The following RCL1 variants were observed in gnomAD, a reference collection of about 807,000 sequenced individuals.
The protein encoded by RCL1 is RNA terminal phosphate cyclase like 1, also known as RNA 3'-terminal phosphate cyclase-like protein.
Under a neutral mutation model 42.4 loss-of-function variants are expected in RCL1, and 24 were observed. That is an observed-to-expected ratio of 0.57 (90% CI 0.41 to 0.80). The LOEUF is 0.80. Among genes scored for constraint, RCL1 ranks in the 30% least tolerant of loss-of-function variants. The pLI is 0.00. For synonymous variants in RCL1, 228 were observed against 177.3 expected, an observed-to-expected ratio of 1.29 and a Z score of -2.27; for missense variants, 578 against 467.9, an observed-to-expected ratio of 1.24 and a Z score of -2.17.
chr9:4,851,575 G>T (rs538465849), intron 8 of RCL1, among the ~76,000 whole-genome samples: 1 of 152,178 alleles, frequency 6.6e-6, no homozygotes, highest in African/African-American at 2.4e-5. Context: ...TGAAATCCAC[G>T]GTGAGGACCA....
intron 1 of RCL1, 118 bp downstream of exon 1, chr9:4,793,345 G>A (rs1282463499): frequency 1.6e-6 from 2 of 1,225,208 alleles, no homozygotes; most frequent in Non-Finnish European, 2.2e-6. Context: ...AGCGCGTCGG[G>A]GAGGGCAGGT....
At chr9:4,793,326 C>T in intron 1 of RCL1, 99 bp downstream of exon 1, 1 of 1,302,690 alleles carries the variant, frequency 7.7e-7, no homozygotes, top group Non-Finnish European at 1.0e-6. Context: ...GGCGGCTCGG[C>T]GTCCGGCGAG....
intron 7 of RCL1, among the ~76,000 whole-genome samples, chr9:4,846,357 T>A (rs1327062269): frequency 6.6e-6 from 1 of 152,236 alleles, no homozygotes; most frequent in Non-Finnish European, 1.5e-5. Flanking sequence ...AAGAAGGAGA[T>A]GAAATCTTCC....
intron 1 of RCL1, among the ~76,000 whole-genome samples, chr9:4,818,742 C>A (rs1025442618): frequency 1.3e-5 from 2 of 151,894 alleles, no homozygotes; most frequent in South Asian, 2.1e-4. Flanking sequence ...CATGGTGGCA[C>A]GTGCCTGTAG....
chr9:4,843,981 G>C (rs895584151), intron 6 of RCL1, among the ~76,000 whole-genome samples: 4 of 152,110 alleles, frequency 2.6e-5, no homozygotes, highest in African/African-American at 9.7e-5. Context: ...TTCCTTGGCA[G>C]GTGTTGTTAA....
Position 4,860,125 on chromosome 9 carries a change from G to C in RCL1, c.972G>C (p.Thr324=), listed in dbSNP as rs763173494. 11 of 1,563,328 alleles carry C rather than the reference G, an allele frequency of 7.0e-6. No homozygotes were observed. The East Asian group carries it at 1.4e-4, about 19-fold the overall frequency. Residue 324 remains threonine (T), a splice_region_variant and synonymous_variant, in exon 9 of 9, where the codon ACG becomes ACC. Coordinates refer to ENST00000381750, the MANE Select transcript of RCL1 (RefSeq NM_005772.5). ...KVLLGPLSPY[T]IEFLRHLKSF... ...ATTTATTTATTTTTTTCCTTTTTAG[G>C]ATAGAATTTTTGCGGCATTTGAAGA...
At chr9:4,850,493 C>CTTTTTTTTTTT (rs35181848) in intron 8 of RCL1, 1 of 134,266 alleles carries the variant, frequency 7.4e-6, no homozygotes, top group Admixed American at 8.5e-5. Context: ...TTTTTTTTTT[C>CTTTTTTTTTTT]TTTTTTTTTT....
intron 6 of RCL1, among the ~76,000 whole-genome samples, chr9:4,842,014 T>C (rs1340642891): frequency 2.0e-5 from 3 of 152,210 alleles, no homozygotes; most frequent in African/African-American, 7.2e-5. Context: ...GTGTTAAACA[T>C]ACAGAAAAGA....
At chr9:4,816,150 A>T (rs1378778401) in intron 1 of RCL1, among the ~76,000 whole-genome samples, 1 of 152,074 alleles carries the variant, frequency 6.6e-6, no homozygotes, top group Non-Finnish European at 1.5e-5. Flanking sequence ...TCAGTTGGAT[A>T]TCCTCTTTTA....
intron 1 of RCL1, among the ~76,000 whole-genome samples, chr9:4,796,210 T>C (rs1486540712): frequency 6.6e-6 from 1 of 152,182 alleles, no homozygotes; most frequent in African/African-American, 2.4e-5. Flanking sequence ...TCGTACCCAA[T>C]AGGTAATTTT....
intron 1 of RCL1, among the ~76,000 whole-genome samples, chr9:4,817,634 C>A (rs868022904): frequency 2.6e-5 from 4 of 151,884 alleles, no homozygotes; most frequent in African/African-American, 9.7e-5. Context: ...GGGACTGGGG[C>A]TACTGGTGTG....
chr9:4,827,219 A>G (rs536670664), intron 3 of RCL1, 186 bp downstream of exon 3: 290 of 1,521,736 alleles, frequency 1.9e-4, no homozygotes, highest in Non-Finnish European at 2.5e-4. Context: ...GGATCATCAA[A>G]TTCAGGACTA....
At chr9:4,839,736 G>A (rs961288906) in intron 5 of RCL1, 10 of 979,494 alleles carry the variant, frequency 1.0e-5, no homozygotes, top group Admixed American at 6.2e-5. Context: ...GAGCATTTCT[G>A]AGTACAAAAG....
At chr9:4,805,946 A>C (rs768371794) in intron 1 of RCL1, among the ~76,000 whole-genome samples, 6 of 151,614 alleles carry the variant, frequency 4.0e-5, no homozygotes, top group Non-Finnish European at 7.4e-5. Flanking sequence ...TTTTGGAGCA[A>C]TTGTAAATGG....
At chr9:4,855,453 T>C (rs999017210) in intron 8 of RCL1, among the ~76,000 whole-genome samples, 1 of 152,128 alleles carries the variant, frequency 6.6e-6, no homozygotes, top group Non-Finnish European at 1.5e-5. Flanking sequence ...CAGGGAAATA[T>C]GAACTCAAGA....
intron 1 of RCL1, among the ~76,000 whole-genome samples, chr9:4,815,686 G>T (rs779643683): frequency 6.6e-6 from 1 of 152,050 alleles, no homozygotes; most frequent in Non-Finnish European, 1.5e-5. Context: ...ACACACTCCA[G>T]CCATAGTTCT....
chr9:4,856,914 T>G (rs1437453946), intron 8 of RCL1, among the ~76,000 whole-genome samples: 1 of 152,210 alleles, frequency 6.6e-6, no homozygotes, highest in Non-Finnish European at 1.5e-5. Flanking sequence ...TCCATGTAGC[T>G]GTTTCCTTCC....
intron 8 of RCL1, among the ~76,000 whole-genome samples, chr9:4,856,451 G>A (rs1019729552): frequency 6.6e-5 from 10 of 152,150 alleles, no homozygotes; most frequent in Non-Finnish European, 1.2e-4. Flanking sequence ...CCTCTTTACT[G>A]AGGCTAAATT....
At chr9:4,814,111 G>A (rs1198168795) in intron 1 of RCL1, among the ~76,000 whole-genome samples, 5 of 151,776 alleles carry the variant, frequency 3.3e-5, no homozygotes, top group East Asian at 1.9e-4. Flanking sequence ...TAACCAGCAC[G>A]TTGTGCACAT....
Sources: allele counts gnomAD v4.1 joint callset (sites outside exome capture counted in the v4.1 genomes callset), GRCh38; gene constraint gnomAD v4.1.1; transcripts MANE v1.5; gene names NCBI Gene and HGNC (gene_info 2026-07-23, HGNC 2026-07-21).